Variants in CIMAP3 observed in about 807,000 individuals in gnomAD.
The protein encoded by CIMAP3 is ciliary microtubule associated protein 3.
the CIMAP3 span, chr1:111,348,876 T>G: frequency 5.4e-6 from 2 of 369,450 alleles, no homozygotes; most frequent in Middle Eastern, 7.9e-4. Context: ...GTTTTGTAGG[T>G]TCGATAGATT....
chr1:111,328,939 A>G, the CIMAP3 span, among the ~76,000 whole-genome samples: 1 of 152,180 alleles, frequency 6.6e-6, no homozygotes, highest in African/African-American at 2.4e-5. Context: ...TTGCTTTACA[A>G]TTACACTGGT....
At chr1:111,350,075 T>C in the CIMAP3 span, 4 of 1,557,784 alleles carry the variant, frequency 2.6e-6, no homozygotes, top group Non-Finnish European at 3.5e-6. Flanking sequence ...CACTAACTCA[T>C]TAGACATGAT....
At chr1:111,335,058 G>A in the CIMAP3 span, among the ~76,000 whole-genome samples, 76 of 145,636 alleles carry the variant, frequency 5.2e-4, no homozygotes, top group African/African-American at 1.9e-3. Context: ...AACATGGGAG[G>A]AGGAGGTTGC....
chr1:111,329,516 C>T, the CIMAP3 span, among the ~76,000 whole-genome samples: 2 of 106,284 alleles, frequency 1.9e-5, no homozygotes, highest in Admixed American at 1.3e-4. Context: ...CACATAAACC[C>T]ATATATATAT....
chr1:111,328,493 G>A, the CIMAP3 span, among the ~76,000 whole-genome samples: 1 of 152,150 alleles, frequency 6.6e-6, no homozygotes, highest in Non-Finnish European at 1.5e-5. Flanking sequence ...ATGTCTTTTT[G>A]CAGGTTGCTA....
At chr1:111,350,341 A>T in the CIMAP3 span, 204 of 762,510 alleles carry the variant, frequency 2.7e-4, 2 homozygotes, top group South Asian at 3.1e-3. Flanking sequence ...GTCCCAAAAA[A>T]TTATATGCAC....
At chr1:111,324,913 T>C in the CIMAP3 span, 2 of 963,066 alleles carry the variant, frequency 2.1e-6, no homozygotes, top group Non-Finnish European at 2.5e-6. Context: ...TGGACTCTAG[T>C]AGATGTATGA....
chr1:111,336,957 G>C, the CIMAP3 span, among the ~76,000 whole-genome samples: 1 of 151,780 alleles, frequency 6.6e-6, no homozygotes, highest in Non-Finnish European at 1.5e-5. Flanking sequence ...GAAAGGTCGG[G>C]TTACCCACAA....
the CIMAP3 span, among the ~76,000 whole-genome samples, chr1:111,337,842 T>A: frequency 1.6e-4 from 24 of 151,916 alleles, no homozygotes; most frequent in African/African-American, 5.3e-4. Context: ...TGCACCAAGC[T>A]GACCTAATAG....
the CIMAP3 span, chr1:111,349,178 A>G: frequency 6.6e-6 from 1 of 152,472 alleles, no homozygotes; most frequent in Non-Finnish European, 1.5e-5. Context: ...CCTGGAGTCT[A>G]CTTTAGAAAG....
the CIMAP3 span, chr1:111,350,239 C>A: frequency 6.4e-7 from 1 of 1,561,466 alleles, no homozygotes; most frequent in East Asian, 2.2e-5. Context: ...AAGATTGGAA[C>A]TTCTGTAGAA....
chr1:111,334,486 A>G, the CIMAP3 span, among the ~76,000 whole-genome samples: 2 of 152,198 alleles, frequency 1.3e-5, no homozygotes, highest in Non-Finnish European at 2.9e-5. Context: ...CAAGACACAG[A>G]TGTACATTCA....
the CIMAP3 span, among the ~76,000 whole-genome samples, chr1:111,347,516 G>A: frequency 5.3e-5 from 8 of 152,070 alleles, 1 homozygote; most frequent in Middle Eastern, 3.4e-3. Flanking sequence ...AAGGAGTCAA[G>A]ACAATAAAGA....
At chr1:111,329,894 A>G in the CIMAP3 span, among the ~76,000 whole-genome samples, 3 of 151,172 alleles carry the variant, frequency 2.0e-5, no homozygotes, top group African/African-American at 7.3e-5. Context: ...ATTCCTTTTC[A>G]TTTTTTTCTT....
At chr1:111,347,622 C>CTTTTTTTTTTTTTTTTTTCTTT in the CIMAP3 span, 1 of 809,740 alleles carries the variant, frequency 1.2e-6, no homozygotes. Flanking sequence ...TTTTTTCTTT[C>CTTTTTTTTTTTTTTTTTTCTTT]TTTTTTTTTT....
the CIMAP3 span, among the ~76,000 whole-genome samples, chr1:111,330,969 G>A: frequency 6.6e-6 from 1 of 152,132 alleles, no homozygotes; most frequent in Non-Finnish European, 1.5e-5. Context: ...TAATATTCTT[G>A]ACTGGCAATT....
the CIMAP3 span, chr1:111,348,365 A>T: frequency 1.3e-6 from 1 of 743,656 alleles, no homozygotes; most frequent in Non-Finnish European, 2.1e-6. Context: ...TTTTCTACCT[A>T]CCGAAGACTT....
chr1:111,329,588 C>CA, the CIMAP3 span, among the ~76,000 whole-genome samples: 1 of 134,626 alleles, frequency 7.4e-6, no homozygotes. Context: ...GAGTTTTGCT[C>CA]TTGTTGCCCA....
chr1:111,338,322 C>G, the CIMAP3 span, among the ~76,000 whole-genome samples: 1 of 151,474 alleles, frequency 6.6e-6, no homozygotes, highest in African/African-American at 2.4e-5. Context: ...CAAAAGCTAG[C>G]AGAAGGCAAG....
Sources: gnomAD v4.1 joint callset for allele counts (sites outside exome capture counted in the v4.1 genomes callset) on GRCh38, gnomAD v4.1.1 for gene constraint, MANE v1.5 for transcripts, NCBI Gene and HGNC (gene_info 2026-07-23, HGNC 2026-07-21) for gene names.